Variants in ZMYM6 observed in about 807,000 individuals in gnomAD.
The protein encoded by ZMYM6 is zinc finger MYM-type containing 6.
Under a neutral mutation model 134.0 loss-of-function variants are expected in ZMYM6, and 90 were observed. The observed-to-expected ratio is 0.67, with a 90% CI of 0.57 to 0.80. ZMYM6 has a LOEUF of 0.80. ZMYM6 is among the 30% of genes least tolerant of loss of function. The probability of loss-of-function intolerance (pLI) is 0.00; values close to 1 mark genes in which losing one functional copy is unlikely to be tolerated. For synonymous variants in ZMYM6, 481 were observed against 524.1 expected, an observed-to-expected ratio of 0.92 and a Z score of 1.12; for missense variants, 1,362 against 1,533.9, an observed-to-expected ratio of 0.89 and a Z score of 1.87.
intron 14 of ZMYM6, among the ~76,000 whole-genome samples, chr1:34,999,884 C>T (rs1640850331): frequency 6.6e-6 from 1 of 152,182 alleles, no homozygotes; most frequent in African/African-American, 2.4e-5. Context: ...CACATCTACA[C>T]ACACAGGAGA....
chr1:35,003,943 G>A, intron 14 of ZMYM6, 25 bp downstream of exon 14: 1 of 1,604,914 alleles, frequency 6.2e-7, no homozygotes, highest in Non-Finnish European at 8.5e-7. Context: ...GCATTATCAA[G>A]AAAAGTATTA....
At chr1:35,002,064 C>A (rs768200247) in intron 14 of ZMYM6, among the ~76,000 whole-genome samples, 7 of 152,180 alleles carry the variant, frequency 4.6e-5, no homozygotes, top group Admixed American at 2.6e-4. Context: ...GGTCAAAAGC[C>A]TATGGCAGTC....
At chr1:35,014,936 T>C in intron 5 of ZMYM6, 48 bp from the exon 6 acceptor site, 1 of 1,601,492 alleles carries the variant, frequency 6.2e-7, no homozygotes. Flanking sequence ...CAGAGCCAGT[T>C]AAAAAAAAAT....
chr1:34,997,446 A>C (rs1640803707), intron 14 of ZMYM6, among the ~76,000 whole-genome samples: 1 of 152,180 alleles, frequency 6.6e-6, no homozygotes, highest in Non-Finnish European at 1.5e-5. Flanking sequence ...CTGGGATTAC[A>C]GGCATGTGCC....
At chr1:34,994,327 G>A (rs1451670353) in intron 14 of ZMYM6, among the ~76,000 whole-genome samples, 3 of 152,156 alleles carry the variant, frequency 2.0e-5, no homozygotes, top group Non-Finnish European at 4.4e-5. Flanking sequence ...GCATGGAGGA[G>A]GGGCAATTCT....
At chr1:34,989,405 A>G (rs1569734566) in intron 15 of ZMYM6, 1 of 246,060 alleles carries the variant, frequency 4.1e-6, no homozygotes, top group South Asian at 1.5e-4. Flanking sequence ...AAGAAAAAAA[A>G]TTGGCTGGAT....
chr1:34,995,565 ACTC>A (rs1464876244), intron 14 of ZMYM6, among the ~76,000 whole-genome samples: 1 of 152,124 alleles, frequency 6.6e-6, no homozygotes, highest in East Asian at 1.9e-4. Flanking sequence ...AATGTGCTGT[ACTC>A]ATCCTTCTTC....
At chr1:34,992,107 T>C (rs762207718) in intron 15 of ZMYM6, 127 bp downstream of exon 15, 1 of 1,215,890 alleles carries the variant, frequency 8.2e-7, no homozygotes. Context: ...TCAAAGCATG[T>C]GATCCAAGAA....
chr1:35,015,743 A>AAAAAAAAAAAATATATATATAT lies in ZMYM6; in HGVS notation c.429-582_429-581insATATATATATATTTTTTTTTTT. ...CATCTCAAAAAAAAAAAAAAAAAAAAATATATATATATATATATGTGGCCA... is the reference window on the plus strand; with the variant it reads ...CATCTCAAAAAAAAAAAAAAAAAAAAAAAAAAAAAAATATATATATATATATATATATATATATATGTGGCCA... On this transcript the variant is annotated intron_variant, in intron 4 of 15. Transcript: ENST00000357182. Among the ~76,000 whole-genome samples, 27 of 106,422 alleles carry AAAAAAAAAAAATATATATATAT rather than the reference A, an allele frequency of 2.5e-4. 1 individual carries two copies. Among genetic ancestry groups the AAAAAAAAAAAATATATATATAT allele is most frequent in the African/African-American group, 1.4e-3 (21 of 15,130 alleles). The allele number at this position is 106,422 out of a possible 152,430, so 69.8% of individuals were successfully genotyped here.
chr1:35,003,640 G>C (rs906785431), intron 14 of ZMYM6, among the ~76,000 whole-genome samples: 1 of 152,134 alleles, frequency 6.6e-6, no homozygotes, highest in Non-Finnish European at 1.5e-5. Context: ...AATAAATCAA[G>C]AATGCATTCT....
Position 35,008,833 on chromosome 1 carries a change from C to G in ZMYM6, c.1584G>C (p.Leu528Phe), listed in dbSNP as rs1569770109. Residue 528 changes from leucine (L) to phenylalanine (F), a missense_variant, in exon 11 of 16, where the codon TTG becomes TTC. Physicochemically the swap from Leu to Phe is conservative, Grantham distance 22 (BLOSUM62 0). This residue lies in a region of ZMYM6 where 824 missense variants were observed against 940.9 expected (regional missense o/e 0.88). Coordinates refer to ENST00000357182, the MANE Select transcript of ZMYM6 (RefSeq NM_007167.4). The part of the protein sequence containing the change: ...CSYCSQTSPN[L>F]VENRLEGKLE... ...ACTTGCCCTCCAATCGATTTTCTAC[C>G]AAATTTGGGGATGTCTGTGAACAGT... 1.2e-6 allele frequency: 2 copies of G among 1,614,096 alleles called. 1 individual carries two copies. Among genetic ancestry groups the G allele is most frequent in the Middle Eastern group, 3.3e-4 (2 of 6,062 alleles).
At chr1:35,014,917 C>T (rs758010982) in intron 5 of ZMYM6, 29 bp from the exon 6 acceptor site, 4 of 1,610,412 alleles carry the variant, frequency 2.5e-6, no homozygotes, top group Non-Finnish European at 3.4e-6. Context: ...CATACACACA[C>T]AAAATAAGCA....
intron 2 of ZMYM6, among the ~76,000 whole-genome samples, chr1:35,028,884 C>T (rs991891880): frequency 6.6e-6 from 1 of 152,020 alleles, no homozygotes; most frequent in Non-Finnish European, 1.5e-5. Context: ...TTTCATCTTA[C>T]TTTCTCACTT....
At position 35,013,451 on chromosome 1, in the gene ZMYM6, T is replaced by G. The variant is rs1047428177; in HGVS notation, c.796-870A>C. On this transcript the variant is annotated intron_variant, in intron 6 of 15. Coordinates refer to ENST00000357182, the MANE Select transcript of ZMYM6 (RefSeq NM_007167.4). The stretch of plus-strand genomic sequence containing the variant: ...TTCCTAGTAAAAAGACAGAGTACAA[T>G]ACTAGTAACAAAATTAGAAATGGAA... The G allele has an allele frequency of 5.1e-6, 5 of 984,042 alleles. No individual in the cohort carries two copies. In the African/African-American group the frequency reaches 8.7e-5, roughly 17 times the overall value. 61.0% of individuals were successfully genotyped at this position (984,042 alleles called of 1,614,324 possible).
chr1:34,992,387 C>T lies in ZMYM6; in HGVS notation c.1993G>A (p.Glu665Lys). ...TKEAAKIIQD[E>K]STQEDAMKFP... ...TTCATAGCATCTTCCTGTGTACTTT[C>T]CTAGTTAAAAGCAAATTCAGAAACC... The change falls in exon 15 of 16, where the codon GAA becomes AAA. Residue 665 changes from glutamate (E) to lysine (K), a missense_variant and splice_region_variant. Glu to Lys is a moderately conservative substitution (Grantham distance 56). Around this residue, in one of 3 missense-constraint regions of ZMYM6, gnomAD observed 824 missense variants for 940.9 expected, o/e 0.88. Coordinates refer to ENST00000357182, the MANE Select transcript of ZMYM6 (RefSeq NM_007167.4). The T allele has an allele frequency of 6.2e-7, 1 of 1,610,342 alleles. No individual in the cohort carries two copies. The highest frequency in any genetic ancestry group is 2.2e-5 in the East Asian group (1 of 44,822).
chr1:35,013,612 C>T, intron 6 of ZMYM6: 11 of 985,320 alleles, frequency 1.1e-5, no homozygotes, highest in Non-Finnish European at 1.3e-5. Flanking sequence ...ACCAACTGCT[C>T]AAAGGAAGCA....
At position 34,988,423 on chromosome 1, in the gene ZMYM6, T is replaced by C. The variant is rs1640609421; in HGVS notation, c.2659A>G (p.Ile887Val). The C allele has an allele frequency of 6.4e-7, 1 of 1,551,648 alleles. No individual in the cohort carries two copies. ...TCAATGTCTGCAGATAGTTCATCAA[T>C]CCTGTGTTGAATTGTAACATTAGAA... Reference protein sequence around the residue: ...PLSNVTIQHRIDELSADIEDQ... With the variant: ...PLSNVTIQHRVDELSADIEDQ... The change falls in exon 16 of 16, where the codon ATT becomes GTT. Residue 887 changes from isoleucine (I) to valine (V), a missense_variant. Transcript: ENST00000357182.
chr1:35,010,736 C>A (rs1208120168), intron 9 of ZMYM6, 22 bp downstream of exon 9: 2 of 1,539,134 alleles, frequency 1.3e-6, no homozygotes, highest in African/African-American at 2.8e-5. Flanking sequence ...TATATACAAT[C>A]CCTTTCATGA....
chr1:35,024,474 G>C (rs1641369194), intron 2 of ZMYM6, among the ~76,000 whole-genome samples: 2 of 152,124 alleles, frequency 1.3e-5, no homozygotes, highest in African/African-American at 4.8e-5. Flanking sequence ...ACTGCACTTA[G>C]TACTTCCTCC....
Sources: gnomAD v4.1 joint callset for allele counts (sites outside exome capture counted in the v4.1 genomes callset) on GRCh38, gnomAD v4.1.1 for gene constraint, gnomAD v4.1.1 regional missense constraint, MANE v1.5 for transcripts, NCBI Gene and HGNC (gene_info 2026-07-23, HGNC 2026-07-21) for gene names.